FALEC: variants seen among roughly 807,000 people sequenced by gnomAD.
FALEC encodes focally amplified lncRNA on chromosome 1.
chr1:150,534,133 TG>T, the FALEC span, among the ~76,000 whole-genome samples: 2 of 152,120 alleles, frequency 1.3e-5, no homozygotes, highest in Non-Finnish European at 2.9e-5. Context: ...CTAACCCAGG[TG>T]GCCCCACCCC....
the FALEC span, among the ~76,000 whole-genome samples, chr1:150,529,684 G>A: frequency 6.6e-6 from 1 of 151,432 alleles, no homozygotes; most frequent in Admixed American, 6.6e-5. Flanking sequence ...TGCAAGCTCC[G>A]CCTCCCGGGT....
chr1:150,517,089 A>G (rs1670578192), intron 1 of FALEC, among the ~76,000 whole-genome samples: 1 of 152,132 alleles, frequency 6.6e-6, no homozygotes, highest in African/African-American at 2.4e-5. Flanking sequence ...AACCGAGGTC[A>G]GGAGTTCGAG....
In FALEC at chr1:150,517,048, C is replaced by G. The variant is rs147897921; in HGVS notation, n.307-725C>G. Among the ~76,000 whole-genome samples, 401 of 152,196 alleles carry G rather than the reference C, an allele frequency of 2.6e-3. 10 individuals are homozygous for G. In the East Asian group the frequency reaches 0.068, roughly 26 times the overall value. ...GCGCGGTGGCTCACACCTGTAATCC[C>G]AGCACTTTGGGAGGTCGAGGCCAGT... On this transcript the variant is annotated intron_variant and non_coding_transcript_variant, in intron 1 of 1. Coordinates refer to ENST00000416894, the Ensembl canonical transcript of FALEC.
downstream of FALEC, among the ~76,000 whole-genome samples, chr1:150,522,203 C>T (rs1258523757): frequency 6.7e-5 from 10 of 149,944 alleles, no homozygotes; most frequent in African/African-American, 9.9e-5. Flanking sequence ...GCCGAGATTA[C>T]GCCACTGCAC....
the FALEC span, among the ~76,000 whole-genome samples, chr1:150,529,016 C>CAAAAAAAAAAAAAACAAAAA: frequency 1.7e-5 from 1 of 59,292 alleles, no homozygotes; most frequent in Non-Finnish European, 3.0e-5. Flanking sequence ...AAATAAATAG[C>CAAAAAAAAAAAAAACAAAAA]AAAAAAAAAA....
the FALEC span, among the ~76,000 whole-genome samples, chr1:150,530,642 AC>A: frequency 3.3e-5 from 5 of 152,096 alleles, no homozygotes; most frequent in Admixed American, 6.6e-5. Flanking sequence ...AGCCGTCACA[AC>A]CCAGCAGGCA....
the FALEC span, among the ~76,000 whole-genome samples, chr1:150,536,739 T>C: frequency 6.6e-6 from 1 of 152,076 alleles, no homozygotes; most frequent in African/African-American, 2.4e-5. Flanking sequence ...CAGTGAGCTG[T>C]GATCACACCA....
the FALEC span, among the ~76,000 whole-genome samples, chr1:150,527,808 C>T: frequency 6.6e-6 from 1 of 152,050 alleles, no homozygotes; most frequent in South Asian, 2.1e-4. Flanking sequence ...CAAGATCGCA[C>T]CACTCCACTC....
chr1:150,533,067 G>A, the FALEC span, among the ~76,000 whole-genome samples: 3 of 152,256 alleles, frequency 2.0e-5, no homozygotes, highest in Non-Finnish European at 4.4e-5. Flanking sequence ...AGCAGTAATA[G>A]CGTTGGGATG....
the FALEC span, among the ~76,000 whole-genome samples, chr1:150,532,904 G>T: frequency 6.6e-6 from 1 of 152,242 alleles, no homozygotes; most frequent in South Asian, 2.1e-4. Context: ...TTGGAGGAAG[G>T]TATCTGTGCT....
chr1:150,522,257 AAAAG>A (rs1307965800), downstream of FALEC, among the ~76,000 whole-genome samples: 58 of 116,166 alleles, frequency 5.0e-4, no homozygotes, highest in Admixed American at 1.2e-3. Flanking sequence ...AAAAAAAAAA[AAAAG>A]AAAGAAAGAA....
chr1:150,517,929 G>C (rs1263218166), exon 2 of FALEC: 2 of 152,222 alleles, frequency 1.3e-5, no homozygotes, highest in Non-Finnish European at 2.9e-5. Flanking sequence ...GGAGAGTTGA[G>C]TATGAATGGG....
At chr1:150,521,076 C>T (rs1200694988), downstream of FALEC, among the ~76,000 whole-genome samples, 1 of 152,142 alleles carries the variant, frequency 6.6e-6, no homozygotes, top group Non-Finnish European at 1.5e-5. Context: ...GCTGGGATTA[C>T]AGGCGTGAGC....
chr1:150,533,597 C>G, the FALEC span, among the ~76,000 whole-genome samples: 1 of 151,830 alleles, frequency 6.6e-6, no homozygotes, highest in African/African-American at 2.4e-5. Flanking sequence ...CCACAACACC[C>G]GGCTAATTTT....
the FALEC span, among the ~76,000 whole-genome samples, chr1:150,535,927 TCA>T: frequency 6.6e-6 from 1 of 152,166 alleles, no homozygotes; most frequent in South Asian, 2.1e-4. Flanking sequence ...CACCACATAA[TCA>T]GTGACTGCAA....
downstream of FALEC, among the ~76,000 whole-genome samples, chr1:150,522,865 ACG>A (rs1560270623): frequency 2.6e-5 from 3 of 115,652 alleles, no homozygotes; most frequent in South Asian, 2.5e-4. Context: ...ATATATATAT[ACG>A]TATATATACA....
the FALEC span, among the ~76,000 whole-genome samples, chr1:150,527,361 C>T: frequency 4.6e-5 from 7 of 151,366 alleles, no homozygotes; most frequent in African/African-American, 1.7e-4. Flanking sequence ...CGGGTTCAAG[C>T]GAGTCTCCTG....
the FALEC span, among the ~76,000 whole-genome samples, chr1:150,532,412 A>G: frequency 1.3e-5 from 2 of 152,120 alleles, no homozygotes; most frequent in Admixed American, 1.3e-4. Context: ...GGAGAAGCCA[A>G]TTGACTCAGA....
At chr1:150,520,713 T>G (rs1481598140), downstream of FALEC, among the ~76,000 whole-genome samples, 1 of 152,046 alleles carries the variant, frequency 6.6e-6, no homozygotes, top group African/African-American at 2.4e-5. Context: ...TGTGCATGTC[T>G]GACTTTTTAA....
Sources: allele counts gnomAD v4.1 joint callset (sites outside exome capture counted in the v4.1 genomes callset), GRCh38; gene constraint gnomAD v4.1.1; transcripts MANE v1.5; gene names NCBI Gene and HGNC (gene_info 2026-07-23, HGNC 2026-07-21).